The following COCH variants were observed in gnomAD, a reference collection of about 807,000 sequenced individuals.
COCH encodes the protein cochlin.
A neutral mutation model predicts 54.8 loss-of-function variants in COCH; 40 were observed. The observed-to-expected ratio is 0.73, with a 90% confidence interval of 0.57 to 0.95. COCH has a LOEUF of 0.95. COCH is among the 40% of genes least tolerant of loss of function. The pLI is 0.00. For synonymous variants in COCH, 256 were observed against 237.9 expected, an observed-to-expected ratio of 1.08 and a Z score of -0.70; for missense variants, 605 against 675.0, an observed-to-expected ratio of 0.90 and a Z score of 1.15.
At position 30,885,550 on chromosome 14, in the gene COCH, T is replaced by G. The variant is rs1312050112; in HGVS notation, c.890T>G (p.Phe297Cys). The G allele has an allele frequency of 6.2e-7, 1 of 1,613,194 alleles. No individual in the cohort carries two copies. Among genetic ancestry groups the G allele is most frequent in the Non-Finnish European group, 8.5e-7 (1 of 1,179,264 alleles). ...IVAREFGVNV[F>C]IVSVAKPIPE... ...GCCAGAGAGTTTGGTGTCAATGTAT[T>G]TATAGTTTCTGTGGCCAAGCCTATC... The change falls in exon 10 of 12, where the codon TTT (phenylalanine) becomes TGT (cysteine). Residue 297 changes from phenylalanine to cysteine, a missense_variant. Phe to Cys is a radical substitution (Grantham distance 205). Coordinates refer to ENST00000396618, the MANE Select transcript of COCH (RefSeq NM_004086.3).
downstream of COCH, chr14:30,895,162 G>A (rs569121516): frequency 3.9e-5 from 15 of 387,810 alleles, no homozygotes; most frequent in African/African-American, 1.7e-4. Flanking sequence ...ACAGATATAC[G>A]CTCAGTTCAC....
chr14:30,875,311 T>G, intron 3 of COCH: 4 of 664,526 alleles, frequency 6.0e-6, no homozygotes, highest in Non-Finnish European at 1.0e-5. Flanking sequence ...AGGGGGCCCC[T>G]GGGGTCCAGT....
Position 30,879,428 on chromosome 14 carries a change from A to C in COCH, c.379A>C (p.Lys127Gln). The part of the protein sequence containing the change: ...WSASFTVTKG[K>Q]SSTQEATGQA... ...GCTTATTTTTATTTTAACAGAAGGC[A>C]AAAGTAGTACACAGGAGGCCACAGG... is the stretch of plus-strand genomic sequence containing the variant. Residue 127 changes from lysine to glutamine, a missense_variant, in exon 6 of 12, where the codon AAA becomes CAA. Physicochemically the swap from Lys to Gln is moderately conservative, Grantham distance 53 (BLOSUM62 1). Coordinates refer to ENST00000396618, the MANE Select transcript of COCH (RefSeq NM_004086.3). 6.2e-7 allele frequency: 1 copy of C among 1,614,038 alleles called. No individual in the cohort carries two copies. Among genetic ancestry groups the C allele is most frequent in the Non-Finnish European group, 8.5e-7 (1 of 1,179,918 alleles).
downstream of COCH, among the ~76,000 whole-genome samples, chr14:30,892,739 G>A (rs756874442): frequency 2.6e-5 from 4 of 151,964 alleles, no homozygotes; most frequent in African/African-American, 9.7e-5. Context: ...CCTGGGAGAC[G>A]GAGGTTGCAG....
chr14:30,889,749 C>T lies in COCH; in HGVS notation c.1611C>T (p.Val537=), dbSNP rs1201645907. 1 of 1,612,340 alleles carries T rather than the reference C, an allele frequency of 6.2e-7. No homozygotes were observed. The highest frequency in any genetic ancestry group is 8.5e-7 in the Non-Finnish European group (1 of 1,178,566). Reference sequence around the variant, plus strand: ...GATTAGAACCAATTGTTTCTGATGTCATCAGAGGCATTTGTAGAGATTTCT... The same window carrying T: ...GATTAGAACCAATTGTTTCTGATGTTATCAGAGGCATTTGTAGAGATTTCT... ...FTGLEPIVSD[V]IRGICRDFLE... The change falls in exon 12 of 12, where the codon GTC becomes GTT. Residue 537 remains valine (V), a synonymous_variant. Transcript: ENST00000396618.
At chr14:30,891,283 A>G (rs974009948), downstream of COCH, among the ~76,000 whole-genome samples, 9 of 152,166 alleles carry the variant, frequency 5.9e-5, no homozygotes, top group Non-Finnish European at 1.2e-4. Flanking sequence ...CTCTCCCAAA[A>G]GACAGAGGTG....
chr14:30,892,835 G>C (rs965671057), downstream of COCH, among the ~76,000 whole-genome samples: 11 of 151,156 alleles, frequency 7.3e-5, no homozygotes, highest in Non-Finnish European at 1.0e-4. Context: ...CAAAAAACTT[G>C]AAAAGTTTTA....
At chr14:30,885,196 C>T in intron 9 of COCH, 198 bp from the exon 10 acceptor site, 1 of 1,057,070 alleles carries the variant, frequency 9.5e-7, no homozygotes, top group Non-Finnish European at 1.4e-6. Context: ...GATAAATAGG[C>T]CTGGTAGATA....
At chr14:30,894,133 T>C (rs556807076), downstream of COCH, 1 of 152,544 alleles carries the variant, frequency 6.6e-6, no homozygotes, top group South Asian at 2.1e-4. Context: ...ATTAAGCACA[T>C]CTAAAAAAAT....
downstream of COCH, among the ~76,000 whole-genome samples, chr14:30,890,774 A>G (rs1895955578): frequency 6.6e-6 from 1 of 152,180 alleles, no homozygotes; most frequent in Non-Finnish European, 1.5e-5. Context: ...ACAGTGGCTC[A>G]TGCCTGTAAT....
At position 30,889,889 on chromosome 14, in the gene COCH, A is replaced by G. The variant is rs1314396052; in HGVS notation, c.*98A>G. The stretch of plus-strand genomic sequence containing the variant: ...AAATGCTTTAGCATACTAGAATCAG[A>G]TACAAAACTATTAAGTATGTCAACA... On this transcript the variant is annotated 3_prime_UTR_variant, in exon 12 of 12. Transcript: ENST00000396618. 2 of 1,478,230 alleles carry G rather than the reference A, an allele frequency of 1.4e-6. No homozygotes were observed. Among genetic ancestry groups the G allele is most frequent in the Non-Finnish European group, 9.0e-7 (1 of 1,115,434 alleles). 91.6% of individuals were successfully genotyped at this position (1,478,230 alleles called of 1,614,324 possible).
At chr14:30,894,799 G>C, downstream of COCH, 1 of 308,820 alleles carries the variant, frequency 3.2e-6, no homozygotes, top group Middle Eastern at 1.3e-3. Flanking sequence ...TGTTGTGACA[G>C]GCTAAATATA....
downstream of COCH, among the ~76,000 whole-genome samples, chr14:30,890,783 A>T (rs527467381): frequency 2.6e-5 from 4 of 152,280 alleles, no homozygotes; most frequent in East Asian, 7.7e-4. Context: ...CATGCCTGTA[A>T]TCCCAGCACT....
intron 8 of COCH, among the ~76,000 whole-genome samples, chr14:30,883,672 T>G (rs1895687941): frequency 6.6e-6 from 1 of 152,200 alleles, no homozygotes; most frequent in African/African-American, 2.4e-5. Flanking sequence ...AGATCTTAAA[T>G]TTTGCACTAG....
At chr14:30,879,877 G>A (rs1216540645) in intron 6 of COCH, among the ~76,000 whole-genome samples, 1 of 151,990 alleles carries the variant, frequency 6.6e-6, no homozygotes, top group Non-Finnish European at 1.5e-5. Flanking sequence ...TGCCCAGGCT[G>A]GTTTTGAACT....
Position 30,877,413 on chromosome 14 carries a change from C to A in COCH, c.83-159C>A. 1 of 899,276 alleles carries A rather than the reference C, an allele frequency of 1.1e-6. No homozygotes were observed. The highest frequency in any genetic ancestry group is 1.7e-6 in the Non-Finnish European group (1 of 599,892). The allele number at this position is 899,276 out of a possible 1,614,324, so 55.7% of individuals were successfully genotyped here. On this transcript the variant is annotated intron_variant, in intron 3 of 11. Transcript: ENST00000396618. This position sits in a 1 kb window ranked among gnomAD's most constrained non-coding sequence, Gnocchi z 8.6. Reference sequence around the variant, plus strand: ...ATTGGAAAACAACCTTGTGGCTTGCCAAAATCTGGAATGGTATGGAAGGGT... The same window carrying A: ...ATTGGAAAACAACCTTGTGGCTTGCAAAAATCTGGAATGGTATGGAAGGGT...
chr14:30,876,625 T>A (rs1895364635), intron 3 of COCH: 1 of 152,150 alleles, frequency 6.6e-6, no homozygotes, highest in Non-Finnish European at 1.5e-5. Context: ...CCTTAATGTG[T>A]GAGTTTAAGG....
chr14:30,891,204 A>G (rs1895973636), downstream of COCH, among the ~76,000 whole-genome samples: 1 of 152,202 alleles, frequency 6.6e-6, no homozygotes, highest in African/African-American at 2.4e-5. Context: ...ATGCTTGTGA[A>G]GTTGGTTCCT....
chr14:30,875,094 G>C lies in COCH; in HGVS notation c.73G>C (p.Glu25Gln), dbSNP rs371802597. 18 of 1,574,638 alleles carry C rather than the reference G, an allele frequency of 1.1e-5. No homozygotes were observed. In the African/African-American group the frequency reaches 2.4e-4, roughly 21 times the overall value. The change falls in exon 3 of 12, where the codon GAG becomes CAG. Residue 25 changes from glutamate to glutamine, a missense_variant. Transcript: ENST00000396618. Reference sequence around the variant, plus strand: ...GCTGCTGCCGGGGCCCGCGGGCAGCGAGGGAGCCGGTGAGTGGGGGAGCTG... The same window carrying C: ...GCTGCTGCCGGGGCCCGCGGGCAGCCAGGGAGCCGGTGAGTGGGGGAGCTG... ...LLLLPGPAGS[E>Q]GAAPIAITCF...
Sources: allele counts gnomAD v4.1 joint callset (sites outside exome capture counted in the v4.1 genomes callset), GRCh38; gene constraint gnomAD v4.1.1; non-coding constraint Gnocchi (gnomAD v3.1); transcripts MANE v1.5; gene names NCBI Gene and HGNC (gene_info 2026-07-23, HGNC 2026-07-21).